Variants in FGD5 observed in about 807,000 individuals in gnomAD.
FGD5 encodes FYVE, RhoGEF and PH domain-containing protein 5.
Under a neutral mutation model 133.4 loss-of-function variants are expected in FGD5, and 28 were observed. The ratio of observed to expected loss-of-function variants is 0.21; its 90% confidence interval spans 0.16 to 0.29. The LOEUF (loss-of-function observed/expected upper bound fraction) is 0.29. Among genes scored for constraint, FGD5 ranks in the 10% least tolerant of loss-of-function variants. The pLI, the probability that FGD5 is intolerant of heterozygous loss-of-function variation, is 1.00. For synonymous variants in FGD5, 810 were observed against 776.5 expected (o/e 1.04, Z -0.72); for missense variants, 1,858 against 1,895.2 (o/e 0.98, Z 0.36).
chr3:14,890,538 CCAAGTTGA>C (rs1324075546), intron 4 of FGD5, among the ~76,000 whole-genome samples: 3 of 152,122 alleles, frequency 2.0e-5, no homozygotes, highest in Non-Finnish European at 4.4e-5. Flanking sequence ...GATGATGGGC[CCAAGTTGA>C]TGAGTTGATG....
intron 1 of FGD5, among the ~76,000 whole-genome samples, chr3:14,812,238 C>T (rs1323569891): frequency 1.3e-5 from 2 of 152,040 alleles, no homozygotes; most frequent in Non-Finnish European, 1.5e-5. Flanking sequence ...GGAGCAGGAT[C>T]GGGGGTGCCA....
At chr3:14,848,679 A>G (rs1355886471) in intron 1 of FGD5, among the ~76,000 whole-genome samples, 1 of 152,246 alleles carries the variant, frequency 6.6e-6, no homozygotes, top group Non-Finnish European at 1.5e-5. Context: ...CAAATAAAAA[A>G]GATTATAAAT....
chr3:14,863,991 G>T (rs1575216095), intron 1 of FGD5, 137 bp from the exon 2 acceptor site: 1 of 1,245,486 alleles, frequency 8.0e-7, no homozygotes, highest in South Asian at 1.5e-5. Flanking sequence ...GTGGCTGGGG[G>T]TGGGGAAGTA....
chr3:14,927,013 T>C (rs568981678), intron 18 of FGD5, among the ~76,000 whole-genome samples: 1 of 152,322 alleles, frequency 6.6e-6, no homozygotes, highest in Admixed American at 6.5e-5. Flanking sequence ...GAAGCTTCCC[T>C]CTGGAAGGAC....
In FGD5 at chr3:14,884,081, C is replaced by A. The variant is rs552534603; in HGVS notation, c.2748+3309C>A. On this transcript the variant is annotated intron_variant, in intron 4 of 19. Coordinates refer to ENST00000285046, the MANE Select transcript of FGD5 (RefSeq NM_152536.4). Reference sequence around the variant, plus strand: ...TCAAGAAATGGATCCCCAAATAAGGCTAGGACCAGATCGAGAAGTACCAAA... The same window carrying A: ...TCAAGAAATGGATCCCCAAATAAGGATAGGACCAGATCGAGAAGTACCAAA... Among the ~76,000 whole-genome samples the A allele has an allele frequency of 9.9e-4, 151 of 152,318 alleles. 1 individual carries two copies. The highest frequency in any genetic ancestry group is 3.6e-3 in the African/African-American group (149 of 41,560).
At chr3:14,910,789 C>T in intron 10 of FGD5, 72 bp from the exon 11 acceptor site, 2 of 1,408,902 alleles carry the variant, frequency 1.4e-6, no homozygotes, top group Non-Finnish European at 2.0e-6. Context: ...CACTCAGGGG[C>T]CTCCCCTGCA....
chr3:14,859,178 G>A (rs898400826), intron 1 of FGD5, among the ~76,000 whole-genome samples: 2 of 152,134 alleles, frequency 1.3e-5, no homozygotes, highest in African/African-American at 2.4e-5. Flanking sequence ...TGATGTTTTA[G>A]TATATGTATA....
chr3:14,933,478 A>T lies in FGD5; in HGVS notation c.*311A>T. The stretch of plus-strand genomic sequence containing the variant: ...TAGTAAGATGAAGATGTGGAAACCA[A>T]TGAAAAGTACATTTAGAAATGCAGG... On this transcript the variant is annotated 3_prime_UTR_variant, in exon 20 of 20. Coordinates refer to ENST00000285046, the MANE Select transcript of FGD5 (RefSeq NM_152536.4). 1 of 347,460 alleles carries T rather than the reference A, an allele frequency of 2.9e-6. No homozygotes were observed. The allele number at this position is 347,460 out of a possible 1,614,324, so 21.5% of individuals were successfully genotyped here. A position where few individuals can be genotyped will look rare whatever the true frequency, so the allele number is the denominator to read the frequency against.
intron 4 of FGD5, among the ~76,000 whole-genome samples, chr3:14,895,402 T>TA (rs923302876): frequency 1.3e-5 from 2 of 152,242 alleles, no homozygotes; most frequent in African/African-American, 4.8e-5. Context: ...GATAGAGGTC[T>TA]AGTGTCATTC....
chr3:14,871,779 G>C (rs1246376172), intron 2 of FGD5, among the ~76,000 whole-genome samples: 1 of 152,234 alleles, frequency 6.6e-6, no homozygotes, highest in African/African-American at 2.4e-5. Context: ...CTGTGGCTGA[G>C]TTTCCTCAGT....
chr3:14,859,455 G>A (rs796927846), intron 1 of FGD5, among the ~76,000 whole-genome samples: 5 of 152,150 alleles, frequency 3.3e-5, no homozygotes, highest in African/African-American at 1.2e-4. Context: ...CTACTCGGGA[G>A]GCGGAGGCTC....
upstream of FGD5, among the ~76,000 whole-genome samples, chr3:14,818,123 C>G (rs1284829285): frequency 3.3e-5 from 5 of 152,236 alleles, no homozygotes; most frequent in African/African-American, 4.8e-5. Context: ...TGCACCACAT[C>G]TTTTATTCTG....
At chr3:14,837,657 T>C (rs966769548) in intron 1 of FGD5, among the ~76,000 whole-genome samples, 5 of 152,124 alleles carry the variant, frequency 3.3e-5, no homozygotes, top group African/African-American at 1.2e-4. Context: ...TTTGCAGGCT[T>C]TCTGAATCAG....
intron 4 of FGD5, among the ~76,000 whole-genome samples, chr3:14,882,584 G>A (rs2037846669): frequency 6.6e-6 from 1 of 151,810 alleles, no homozygotes; most frequent in South Asian, 2.1e-4. Flanking sequence ...TGTAATCCCA[G>A]CTACTCAGGA....
Position 14,820,043 on chromosome 3 carries a change from C to T in FGD5, c.972C>T (p.Ser324=), listed in dbSNP as rs1267083352. The part of the protein sequence containing the change: ...DHAQDESAEE[S]CQIVPFENDC... ...CACAGGATGAGTCCGCCGAGGAGAG[C>T]TGCCAGATTGTCCCTTTTGAGAATG... Residue 324 remains serine (S), a synonymous_variant, in exon 1 of 20, where the codon AGC becomes AGT. Transcript: ENST00000285046. The T allele has an allele frequency of 1.2e-6, 2 of 1,614,040 alleles. No homozygotes were observed. Among genetic ancestry groups the T allele is most frequent in the African/African-American group, 2.7e-5 (2 of 75,056 alleles).
At chr3:14,905,679 T>G (rs188258757) in intron 9 of FGD5, among the ~76,000 whole-genome samples, 2 of 152,224 alleles carry the variant, frequency 1.3e-5, no homozygotes, top group East Asian at 1.9e-4. Context: ...GCGGGTGGTG[T>G]TCACCTTTCC....
At chr3:14,877,272 C>T (rs1049153233) in intron 2 of FGD5, among the ~76,000 whole-genome samples, 2 of 152,260 alleles carry the variant, frequency 1.3e-5, no homozygotes, top group Non-Finnish European at 2.9e-5. Context: ...CGTTGGCCGC[C>T]TGGCGAAGAC....
chr3:14,812,904 T>C (rs2036314326), intron 1 of FGD5, among the ~76,000 whole-genome samples: 1 of 152,222 alleles, frequency 6.6e-6, no homozygotes, highest in South Asian at 2.1e-4. Flanking sequence ...GTATTGCTTT[T>C]AGGTGTTTTA....
At chr3:14,882,818 C>A (rs892063768) in intron 4 of FGD5, among the ~76,000 whole-genome samples, 1 of 152,084 alleles carries the variant, frequency 6.6e-6, no homozygotes, top group Non-Finnish European at 1.5e-5. Context: ...CAGTGTGACT[C>A]CAGGTCCTAG....
Sources: gnomAD v4.1 joint callset for allele counts (sites outside exome capture counted in the v4.1 genomes callset) on GRCh38, gnomAD v4.1.1 for gene constraint, MANE v1.5 for transcripts, NCBI Gene and HGNC (gene_info 2026-07-23, HGNC 2026-07-21) for gene names.